The following PSD3 variants were observed in gnomAD, a reference collection of about 807,000 sequenced individuals.
The protein encoded by PSD3 is PH and SEC7 domain-containing protein 3.
In PSD3, 49 loss-of-function variants were observed where a neutral mutation model predicts 105.5. The ratio of observed to expected loss-of-function variants is 0.46; its 90% CI spans 0.37 to 0.59. The LOEUF is 0.59. PSD3 is among the 20% of genes least tolerant of loss of function. The probability of loss-of-function intolerance (pLI) is 0.00; values close to 1 mark genes in which losing one functional copy is unlikely to be tolerated. For synonymous variants in PSD3, 557 were observed against 457.8 expected (o/e 1.22, Z -2.77); for missense variants, 1,561 against 1,263.8 (o/e 1.24, Z -3.57).
intron 9 of PSD3, among the ~76,000 whole-genome samples, chr8:18,669,068 T>C (rs1799634021): frequency 6.6e-6 from 1 of 152,228 alleles, no homozygotes; most frequent in South Asian, 2.1e-4. Flanking sequence ...TCACTGACTA[T>C]TTATAACTTG....
intron 11 of PSD3, among the ~76,000 whole-genome samples, chr8:18,617,800 A>C (rs1477046564): frequency 6.6e-6 from 1 of 152,192 alleles, no homozygotes; most frequent in Non-Finnish European, 1.5e-5. Context: ...AGTAGCACTA[A>C]GATACCAATT....
chr8:19,034,109 A>T (rs1371572608), intron 1 of PSD3, among the ~76,000 whole-genome samples: 1 of 152,210 alleles, frequency 6.6e-6, no homozygotes, highest in African/African-American at 2.4e-5. Context: ...AAAGGATCTA[A>T]TGGATCTCAG....
intron 10 of PSD3, among the ~76,000 whole-genome samples, chr8:18,634,691 G>C (rs1807134109): frequency 1.3e-5 from 2 of 151,970 alleles, no homozygotes; most frequent in East Asian, 1.9e-4. Context: ...CTCAGTTTAG[G>C]TTTTTCTGAT....
At chr8:18,792,530 T>C (rs936004285) in intron 8 of PSD3, among the ~76,000 whole-genome samples, 1 of 151,936 alleles carries the variant, frequency 6.6e-6, no homozygotes, top group Non-Finnish European at 1.5e-5. Flanking sequence ...CATGGACACA[T>C]GGGGCAGAAC....
chr8:18,655,815 T>A, intron 9 of PSD3, 130 bp from the exon 10 acceptor site: 3 of 798,710 alleles, frequency 3.8e-6, no homozygotes, highest in Non-Finnish European at 4.1e-6. Context: ...ACCTTGCTTT[T>A]AGAAAGGTGA....
intron 1 of PSD3, among the ~76,000 whole-genome samples, chr8:18,998,517 C>G (rs143928519): frequency 0.025 from 3,739 of 151,966 alleles, 207 homozygotes; most frequent in African/African-American, 0.084. Context: ...GAAACCCCGT[C>G]TCTACTAAAA....
chr8:18,663,832 G>C (rs1336086520), intron 9 of PSD3, among the ~76,000 whole-genome samples: 1 of 152,162 alleles, frequency 6.6e-6, no homozygotes, highest in Non-Finnish European at 1.5e-5. Flanking sequence ...GAAGGTTTGT[G>C]GCTACCCTGT....
rs1175324283 is a variant in PSD3, at chr8:19,061,800, G to A, written c.324+22406C>T. ...AGCCTGGGCGACAGAGTGAGACTCC[G>A]TCTAAAAAAAAAAAAAAAATCACTT... On this transcript the variant is annotated intron_variant, in intron 1 of 1. Transcript: ENST00000521475. Among the ~76,000 whole-genome samples, 20 of 138,038 alleles carry A rather than the reference G, an allele frequency of 1.4e-4. No individual in the cohort carries two copies. The East Asian group carries it at 1.6e-3, about 11-fold the overall frequency. The allele number at this position is 138,038 out of a possible 152,430, so 90.6% of individuals were successfully genotyped here.
chr8:18,954,154 A>G (rs1190179974), intron 1 of PSD3, among the ~76,000 whole-genome samples: 1 of 152,150 alleles, frequency 6.6e-6, no homozygotes, highest in African/African-American at 2.4e-5. Flanking sequence ...AAGTCGAACC[A>G]TCTTAAGGAC....
At chr8:18,581,045 G>A (rs1802780691) in intron 12 of PSD3, among the ~76,000 whole-genome samples, 1 of 152,168 alleles carries the variant, frequency 6.6e-6, no homozygotes, top group Non-Finnish European at 1.5e-5. Context: ...CAAAGCCCAT[G>A]ACAGAAACTG....
chr8:18,660,232 A>C (rs1809246954), intron 9 of PSD3, among the ~76,000 whole-genome samples: 1 of 152,140 alleles, frequency 6.6e-6, no homozygotes, highest in Non-Finnish European at 1.5e-5. Context: ...CATGAAGAGG[A>C]ATATGGAAAT....
rs1437034990 is a variant in PSD3 at position 18,527,854 on chromosome 8, C to T, written c.*7889G>A. Reference sequence around the variant, plus strand: ...AAAACTGCTAATGCCGACAGTTTCGCCATTGAAAAGGAGCAGGCTGCTATT... The same window carrying T: ...AAAACTGCTAATGCCGACAGTTTCGTCATTGAAAAGGAGCAGGCTGCTATT... On this transcript the variant is annotated 3_prime_UTR_variant, in exon 16 of 16. Transcript: ENST00000327040. 2.6e-5 allele frequency: 4 copies of T among 152,342 alleles called. No homozygotes were observed. The East Asian group carries it at 7.7e-4, about 30-fold the overall frequency. 9.4% of individuals were successfully genotyped at this position (152,342 alleles called of 1,614,324 possible).
Position 18,867,834 on chromosome 8 carries a change from A to G in PSD3, c.1474T>C (p.Phe492Leu). ...CCTCCCCCTGATGTCCTCTCCAAGA[A>G]CTGACCACCTTCTTTAATGCGCTGT... The part of the protein sequence containing the change: ...IQQRIKEGGQ[F>L]LERTSGGGHQ... The change falls in exon 4 of 16, where the codon TTC (phenylalanine) becomes CTC (leucine). Residue 492 changes from phenylalanine (F) to leucine (L), a missense_variant. Transcript: ENST00000327040. 1 of 1,614,154 alleles carries G rather than the reference A, an allele frequency of 6.2e-7. No homozygotes were observed. The highest frequency in any genetic ancestry group is 1.3e-5 in the African/African-American group (1 of 75,030).
chr8:19,038,311 T>TA (rs1261352781), intron 1 of PSD3, among the ~76,000 whole-genome samples: 1 of 152,194 alleles, frequency 6.6e-6, no homozygotes. Context: ...TTCTTTTCCT[T>TA]AAAACTAACC....
intron 1 of PSD3, among the ~76,000 whole-genome samples, chr8:19,009,341 T>C (rs1826849693): frequency 6.6e-6 from 1 of 152,170 alleles, no homozygotes; most frequent in South Asian, 2.1e-4. Flanking sequence ...CTTTGAGACA[T>C]AAAAACAGAA....
chr8:18,589,597 A>C (rs2717724), intron 12 of PSD3, among the ~76,000 whole-genome samples: 1 of 152,062 alleles, frequency 6.6e-6, no homozygotes, highest in Non-Finnish European at 1.5e-5. Context: ...AATTATAAAA[A>C]TGTTGTTTAC....
intron 1 of PSD3, among the ~76,000 whole-genome samples, chr8:19,073,900 G>C (rs6981120): frequency 0.96 from 145,362 of 151,676 alleles, 70,003 homozygotes; most frequent in East Asian, 1. Context: ...ACGCCATTCT[G>C]CCGCCTCAGC....
chr8:19,037,189 A>T (rs1397954973), intron 1 of PSD3, among the ~76,000 whole-genome samples: 1 of 152,260 alleles, frequency 6.6e-6, no homozygotes, highest in Non-Finnish European at 1.5e-5. Flanking sequence ...TGGCAAATCA[A>T]TGATAGAACT....
chr8:18,732,212 A>T (rs1311352218), intron 9 of PSD3, among the ~76,000 whole-genome samples: 1 of 152,172 alleles, frequency 6.6e-6, no homozygotes, highest in African/African-American at 2.4e-5. Flanking sequence ...AGCAAGAAAT[A>T]GCGACTGAAG....
Sources: gnomAD v4.1 joint callset for allele counts (sites outside exome capture counted in the v4.1 genomes callset) on GRCh38, gnomAD v4.1.1 for gene constraint, MANE v1.5 for transcripts, NCBI Gene and HGNC (gene_info 2026-07-23, HGNC 2026-07-21) for gene names.